Variants in NARS2 observed in about 807,000 individuals in gnomAD.
The protein encoded by NARS2 is asparaginyl-tRNA synthetase 2, mitochondrial, also known as asparaginyl-tRNA synthetase.
NARS2 carries 60 observed loss-of-function variants against 62.9 expected under a neutral mutation model. The ratio of observed to expected loss-of-function variants is 0.95; its 90% CI spans 0.77 to 1.18. The LOEUF is 1.18. Ranked by LOEUF, NARS2 falls within the 50% of genes most tolerant of loss-of-function variation. NARS2 has a pLI of 0.00. For missense variants in NARS2, 619 were observed against 576.4 expected (o/e 1.07, Z -0.76); for synonymous variants, 196 against 200.0 (o/e 0.98, Z 0.17).
At chr11:78,506,422 C>A (rs1393214755) in intron 6 of NARS2, among the ~76,000 whole-genome samples, 3 of 152,178 alleles carry the variant, frequency 2.0e-5, no homozygotes. Flanking sequence ...ACGCAGGAAA[C>A]AACTAAGTAT....
intron 6 of NARS2, among the ~76,000 whole-genome samples, chr11:78,505,269 TACACACACACACAC>T (rs10533814): frequency 0.27 from 35,785 of 133,302 alleles, 5,722 homozygotes; most frequent in Non-Finnish European, 0.37. Flanking sequence ...GAAAACAAAA[TACACACACACACAC>T]ACACACACAC....
At chr11:78,448,219 G>A (rs771033116) in intron 11 of NARS2, among the ~76,000 whole-genome samples, 3 of 150,384 alleles carry the variant, frequency 2.0e-5, no homozygotes, top group East Asian at 1.9e-4. Flanking sequence ...AGAACCAGAC[G>A]AAACAAAACA....
chr11:78,512,560 A>C (rs183724661), intron 6 of NARS2, among the ~76,000 whole-genome samples: 1 of 152,294 alleles, frequency 6.6e-6, no homozygotes, highest in Non-Finnish European at 1.5e-5. Context: ...TAGGAAGTGG[A>C]GGCTCGGTCA....
At chr11:78,528,211 G>T (rs1861358186) in intron 6 of NARS2, among the ~76,000 whole-genome samples, 1 of 152,044 alleles carries the variant, frequency 6.6e-6, no homozygotes, top group Admixed American at 6.6e-5. Flanking sequence ...TGGGCAATAA[G>T]CGAGATCCCA....
chr11:78,443,122 A>G (rs866385509), intron 12 of NARS2, among the ~76,000 whole-genome samples: 7 of 152,186 alleles, frequency 4.6e-5, no homozygotes, highest in East Asian at 3.9e-4. Context: ...TCAGGAGATC[A>G]AGACCATCCC....
intron 5 of NARS2, among the ~76,000 whole-genome samples, chr11:78,545,099 T>C (rs1855807857): frequency 6.6e-6 from 1 of 152,196 alleles, no homozygotes; most frequent in East Asian, 1.9e-4. Flanking sequence ...CCACAGTATT[T>C]ACATAATAAA....
At chr11:78,535,966 A>T (rs1248215467) in intron 5 of NARS2, among the ~76,000 whole-genome samples, 1 of 152,136 alleles carries the variant, frequency 6.6e-6, no homozygotes, top group East Asian at 1.9e-4. Context: ...ATTTTCCCTT[A>T]AAGAAATACA....
chr11:78,442,566 C>T (rs1857606941), intron 12 of NARS2, among the ~76,000 whole-genome samples: 2 of 151,588 alleles, frequency 1.3e-5, no homozygotes, highest in Admixed American at 6.6e-5. Flanking sequence ...TTCCAGATTA[C>T]TATGAAACCC....
intron 11 of NARS2, among the ~76,000 whole-genome samples, chr11:78,454,374 G>A (rs576960758): frequency 1.3e-5 from 2 of 152,146 alleles, no homozygotes; most frequent in African/African-American, 2.4e-5. Flanking sequence ...GTGCCATTCC[G>A]ATGGTAATGG....
chr11:78,459,573 C>G (rs985532309), intron 11 of NARS2, among the ~76,000 whole-genome samples: 2 of 152,088 alleles, frequency 1.3e-5, no homozygotes, highest in Non-Finnish European at 2.9e-5. Context: ...CCCAGCCGAT[C>G]TGATGGTTTT....
At chr11:78,450,246 A>G (rs1412840291) in intron 11 of NARS2, among the ~76,000 whole-genome samples, 3 of 152,246 alleles carry the variant, frequency 2.0e-5, no homozygotes, top group African/African-American at 7.2e-5. Context: ...AATTAAAGGA[A>G]GAACAGTAGT....
intron 11 of NARS2, 130 bp downstream of exon 11, chr11:78,465,746 G>A: frequency 9.6e-7 from 1 of 1,042,814 alleles, no homozygotes; most frequent in Non-Finnish European, 1.4e-6. Flanking sequence ...ATTTTTAAGA[G>A]ATGTCTTTGA....
chr11:78,571,971 C>T (rs1282263967), intron 1 of NARS2, among the ~76,000 whole-genome samples: 1 of 151,512 alleles, frequency 6.6e-6, no homozygotes. Flanking sequence ...CACTTGAGGT[C>T]GGGAGTTTGA....
At chr11:78,455,518 C>T (rs1565208906) in intron 11 of NARS2, among the ~76,000 whole-genome samples, 1 of 152,114 alleles carries the variant, frequency 6.6e-6, no homozygotes, top group African/African-American at 2.4e-5. Context: ...AAAAAGTCCT[C>T]CTAAGGTCTT....
At chr11:78,502,931 T>C (rs113803935) in intron 6 of NARS2, among the ~76,000 whole-genome samples, 11,556 of 135,434 alleles carry the variant, frequency 0.085, 602 homozygotes, top group East Asian at 0.15. Flanking sequence ...GAGGCGGAGG[T>C]TGCAGTGAGC....
intron 5 of NARS2, chr11:78,546,550 G>A (rs1025986965): frequency 6.6e-6 from 1 of 152,170 alleles, no homozygotes; most frequent in African/African-American, 2.4e-5. Context: ...ATTCAACAAG[G>A]AAAGAGATTC....
At chr11:78,558,167 T>C (rs1856433172) in intron 5 of NARS2, 1 of 152,208 alleles carries the variant, frequency 6.6e-6, no homozygotes, top group Admixed American at 6.5e-5. Context: ...CATATGGTTA[T>C]TTTGTCACCT....
At chr11:78,560,396 C>G (rs1344277746) in intron 4 of NARS2, among the ~76,000 whole-genome samples, 1 of 152,146 alleles carries the variant, frequency 6.6e-6, no homozygotes, top group Non-Finnish European at 1.5e-5. Flanking sequence ...TCAGCAACTT[C>G]AAGGTTATGC....
At chr11:78,549,025 A>G (rs1226113255) in intron 5 of NARS2, among the ~76,000 whole-genome samples, 1 of 152,204 alleles carries the variant, frequency 6.6e-6, no homozygotes, top group East Asian at 1.9e-4. Context: ...CAAGAGGGGC[A>G]GCATGCAGGC....
Sources: gnomAD v4.1 joint callset for allele counts (sites outside exome capture counted in the v4.1 genomes callset) on GRCh38, gnomAD v4.1.1 for gene constraint, MANE v1.5 for transcripts, NCBI Gene and HGNC (gene_info 2026-07-23, HGNC 2026-07-21) for gene names.